The following UBE2E3 variants were observed in gnomAD, a reference collection of about 807,000 sequenced individuals.
The protein encoded by UBE2E3 is ubiquitin conjugating enzyme E2 E3, also known as ubiquitin-conjugating enzyme E2 E3.
UBE2E3 carries 5 observed loss-of-function variants against 23.6 expected under a neutral mutation model. The observed-to-expected ratio is 0.21, with a 90% CI of 0.11 to 0.44. UBE2E3 has a LOEUF of 0.44. Among genes scored for constraint, UBE2E3 ranks in the 20% least tolerant of loss-of-function variants. The pLI, the probability that UBE2E3 is intolerant of heterozygous loss-of-function variation, is 0.99. For missense variants in UBE2E3, 81 were observed against 249.8 expected (o/e 0.32, Z 4.55); for synonymous variants, 78 against 87.5 (o/e 0.89, Z 0.60).
At chr2:181,005,703 G>GGTTATATA (rs1685129644) in intron 3 of UBE2E3, among the ~76,000 whole-genome samples, 1 of 151,928 alleles carries the variant, frequency 6.6e-6, no homozygotes, top group Non-Finnish European at 1.5e-5. Flanking sequence ...AATTTGTTAC[G>GGTTATATA]GTTATATAGT....
intron 3 of UBE2E3, among the ~76,000 whole-genome samples, chr2:180,993,441 G>C (rs13029368): frequency 0.15 from 23,058 of 152,124 alleles, 2,145 homozygotes; most frequent in Middle Eastern, 0.25. Flanking sequence ...CTTCCAGCTT[G>C]TCTGGGGAAA....
At chr2:180,996,344 G>A (rs924203626) in intron 3 of UBE2E3, among the ~76,000 whole-genome samples, 1 of 152,160 alleles carries the variant, frequency 6.6e-6, no homozygotes, top group African/African-American at 2.4e-5. Context: ...GGAGAACTGA[G>A]AGATCTTTAT....
At chr2:181,041,613 T>A (rs1244369406) in intron 3 of UBE2E3, among the ~76,000 whole-genome samples, 4 of 151,986 alleles carry the variant, frequency 2.6e-5, no homozygotes, top group African/African-American at 9.7e-5. Flanking sequence ...AATTTTTGTA[T>A]TTTTAGTGGA....
chr2:181,022,053 A>C (rs1685719696), intron 3 of UBE2E3, among the ~76,000 whole-genome samples: 1 of 152,198 alleles, frequency 6.6e-6, no homozygotes, highest in African/African-American at 2.4e-5. Context: ...CATTTTGGAA[A>C]TTGTAAAATG....
chr2:181,012,606 T>C (rs1303053835), intron 3 of UBE2E3, among the ~76,000 whole-genome samples: 1 of 152,208 alleles, frequency 6.6e-6, no homozygotes, highest in African/African-American at 2.4e-5. Context: ...ATCTCTTTGT[T>C]ATCTATGAAG....
chr2:180,994,945 A>G (rs1241206547), intron 3 of UBE2E3, among the ~76,000 whole-genome samples: 1 of 152,180 alleles, frequency 6.6e-6, no homozygotes, highest in Non-Finnish European at 1.5e-5. Flanking sequence ...GTTAATGTAA[A>G]TATTAAATCG....
intron 3 of UBE2E3, among the ~76,000 whole-genome samples, chr2:181,037,816 A>T (rs1273320470): frequency 6.6e-6 from 1 of 152,114 alleles, no homozygotes; most frequent in East Asian, 1.9e-4. Flanking sequence ...AAAAAATTTA[A>T]AAATTAGCGG....
At chr2:181,010,230 T>C (rs965762024) in intron 3 of UBE2E3, among the ~76,000 whole-genome samples, 1 of 152,210 alleles carries the variant, frequency 6.6e-6, no homozygotes, top group Non-Finnish European at 1.5e-5. Context: ...TATAGTTCTT[T>C]TTCATTCAGA....
In UBE2E3 at chr2:181,061,419, G is replaced by T. The variant is rs201031159; in HGVS notation, c.526+607G>T. Among the ~76,000 whole-genome samples, 6 of 8,154 alleles carry T rather than the reference G, an allele frequency of 7.4e-4. 3 individuals carry two copies. In the Admixed American group the frequency reaches 9.0e-3, roughly 12 times the overall value. 5.3% of individuals were successfully genotyped at this position (8,154 alleles called of 152,430 possible). ...ATTACAGGCGTGAGCCACCGCGCCCGGCCGACCACTTCTAACAAGAGTAAA... is the reference window on the plus strand; with the variant it reads ...ATTACAGGCGTGAGCCACCGCGCCCTGCCGACCACTTCTAACAAGAGTAAA... On this transcript the variant is annotated intron_variant, in intron 5 of 5. Coordinates refer to ENST00000410062, the MANE Select transcript of UBE2E3 (RefSeq NM_006357.4).
intron 3 of UBE2E3, among the ~76,000 whole-genome samples, chr2:181,014,782 G>A (rs140385103): frequency 6.6e-6 from 1 of 152,132 alleles, no homozygotes; most frequent in East Asian, 1.9e-4. Flanking sequence ...ACCTTTATAT[G>A]ATGTATAATG....
chr2:181,000,080 T>A (rs370597201), intron 3 of UBE2E3, among the ~76,000 whole-genome samples: 2 of 152,222 alleles, frequency 1.3e-5, no homozygotes, highest in African/African-American at 4.8e-5. Context: ...CAGCTGCCTT[T>A]TGCAATTTTT....
intron 3 of UBE2E3, among the ~76,000 whole-genome samples, chr2:181,007,662 G>A (rs1228229301): frequency 6.6e-6 from 1 of 152,110 alleles, no homozygotes; most frequent in Non-Finnish European, 1.5e-5. Flanking sequence ...GTGTGTCAAT[G>A]TATTCTTTCT....
chr2:181,053,166 A>T (rs1169986611), intron 3 of UBE2E3, among the ~76,000 whole-genome samples: 2 of 151,850 alleles, frequency 1.3e-5, no homozygotes, highest in Non-Finnish European at 2.9e-5. Flanking sequence ...GGCCAGAGTG[A>T]ATACCTGCCA....
chr2:180,996,703 C>A (rs933934719), intron 3 of UBE2E3, among the ~76,000 whole-genome samples: 1 of 152,086 alleles, frequency 6.6e-6, no homozygotes, highest in Non-Finnish European at 1.5e-5. Context: ...GGCCTAGATT[C>A]CACATTGTAG....
In UBE2E3 at chr2:181,027,472, G is replaced by A. The variant is rs373843346; in HGVS notation, c.246-30221G>A. 2.0e-5 allele frequency among the ~76,000 whole-genome samples: 3 copies of A among 151,886 alleles called. No homozygotes were observed. In the East Asian group the frequency reaches 5.8e-4, roughly 29 times the overall value. On this transcript the variant is annotated intron_variant, in intron 3 of 5. Transcript: ENST00000410062. ...GACCCATTAAATAAAAAGATCCCAGGAATTCTTAGATGTAAAGTTATCTAA... is the reference window on the plus strand; with the variant it reads ...GACCCATTAAATAAAAAGATCCCAGAAATTCTTAGATGTAAAGTTATCTAA...
chr2:180,993,687 A>AGG (rs1489453512), intron 3 of UBE2E3, among the ~76,000 whole-genome samples: 1 of 152,182 alleles, frequency 6.6e-6, no homozygotes, highest in Non-Finnish European at 1.5e-5. Context: ...ACAGTCTTAT[A>AGG]GGTCCTTTAC....
intron 3 of UBE2E3, among the ~76,000 whole-genome samples, chr2:181,010,321 T>C (rs1382833472): frequency 9.2e-5 from 14 of 152,202 alleles, no homozygotes; most frequent in Non-Finnish European, 2.1e-4. Context: ...TTGTCAGTCA[T>C]ATTCTGTATT....
At chr2:180,983,442 C>T (rs1684363729) in intron 2 of UBE2E3, among the ~76,000 whole-genome samples, 1 of 152,186 alleles carries the variant, frequency 6.6e-6, no homozygotes, top group Non-Finnish European at 1.5e-5. Context: ...TATGTATTTT[C>T]TCCTCTTTCT....
At chr2:180,996,669 G>A (rs1423728076) in intron 3 of UBE2E3, among the ~76,000 whole-genome samples, 1 of 152,174 alleles carries the variant, frequency 6.6e-6, no homozygotes, top group Non-Finnish European at 1.5e-5. Flanking sequence ...GGGAGGGGCT[G>A]TCACTTGGCA....
Sources: gnomAD v4.1 joint callset for allele counts (sites outside exome capture counted in the v4.1 genomes callset) on GRCh38, gnomAD v4.1.1 for gene constraint, MANE v1.5 for transcripts, NCBI Gene and HGNC (gene_info 2026-07-23, HGNC 2026-07-21) for gene names.